Variants in BMP6 observed in about 807,000 individuals in gnomAD.
The protein encoded by BMP6 is bone morphogenetic protein 6, also known as VG-1-R.
Under a neutral mutation model 54.1 loss-of-function variants are expected in BMP6, and 17 were observed. The ratio of observed to expected loss-of-function variants is 0.31; its 90% confidence interval spans 0.22 to 0.47. BMP6 has a LOEUF of 0.47. Ranked by LOEUF, BMP6 falls within the 20% of genes least tolerant of loss-of-function variation. The pLI is 1.00. For missense variants in BMP6, 720 were observed against 690.4 expected, an observed-to-expected ratio of 1.04 and a Z score of -0.48; for synonymous variants, 328 against 291.2, an observed-to-expected ratio of 1.13 and a Z score of -1.28.
At chr6:7,792,900 AAACT>A (rs1308471333) in intron 1 of BMP6, among the ~76,000 whole-genome samples, 2 of 152,262 alleles carry the variant, frequency 1.3e-5, no homozygotes, top group African/African-American at 4.8e-5. Flanking sequence ...CTAGTAACAT[AAACT>A]AACTGTTGTC....
At position 7,863,615 on chromosome 6, in the gene BMP6, G is replaced by A. The variant is rs186664122; in HGVS notation, c.1204+1117G>A. Among the ~76,000 whole-genome samples, 279 of 152,220 alleles carry A rather than the reference G, an allele frequency of 1.8e-3. 2 individuals carry two copies. Among genetic ancestry groups the A allele is most frequent in the African/African-American group, 6.3e-3 (262 of 41,524 alleles). ...CCAGACCTGAACTGTGTGCTCACCC[G>A]GGAGCTAAGGAATAAGGTGAGTCCC... On this transcript the variant is annotated intron_variant, in intron 4 of 6. Transcript: ENST00000283147.
intron 4 of BMP6, among the ~76,000 whole-genome samples, chr6:7,877,554 C>A (rs1156834846): frequency 1.3e-5 from 2 of 151,884 alleles, no homozygotes; most frequent in Non-Finnish European, 2.9e-5. Context: ...ACCCAGGAGG[C>A]AGAGGTTGCA....
intron 1 of BMP6, among the ~76,000 whole-genome samples, chr6:7,781,456 A>G (rs1469908489): frequency 6.6e-6 from 1 of 151,502 alleles, no homozygotes; most frequent in African/African-American, 2.4e-5. Flanking sequence ...AGCACACAGC[A>G]GGCCTGGCTG....
chr6:7,862,346 G>A lies in BMP6; in HGVS notation c.1052G>A (p.Gly351Asp), dbSNP rs573617365. 2 of 1,614,218 alleles carry A rather than the reference G, an allele frequency of 1.2e-6. No homozygotes were observed. Among genetic ancestry groups the A allele is most frequent in the Non-Finnish European group, 1.7e-6 (2 of 1,180,028 alleles). ...GCCGCAGGCCTGGTGGGCAGAGACG[G>A]CCCTTACGACAAGCAGCCCTTCATG... is the stretch of plus-strand genomic sequence containing the variant. The part of the protein sequence containing the change: ...PRAAGLVGRD[G>D]PYDKQPFMVA... Residue 351 changes from glycine to aspartate, a missense_variant, in exon 4 of 7, where the codon GGC becomes GAC. By Grantham distance (94) the Gly-to-Asp change is moderately conservative. Transcript: ENST00000283147.
chr6:7,771,745 C>T (rs1317597315), intron 1 of BMP6, among the ~76,000 whole-genome samples: 1 of 152,158 alleles, frequency 6.6e-6, no homozygotes, highest in Non-Finnish European at 1.5e-5. Context: ...GCGCATCAGC[C>T]ATTCCTTTCC....
At chr6:7,865,340 A>C (rs1759402562) in intron 4 of BMP6, among the ~76,000 whole-genome samples, 1 of 152,126 alleles carries the variant, frequency 6.6e-6, no homozygotes, top group Non-Finnish European at 1.5e-5. Context: ...CAAAGGCAAA[A>C]GGGTTCATAC....
intron 1 of BMP6, among the ~76,000 whole-genome samples, chr6:7,730,331 A>T (rs75903407): frequency 0.12 from 18,622 of 152,138 alleles, 1,190 homozygotes; most frequent in East Asian, 0.16. Flanking sequence ...TCCCCTAAAA[A>T]TTTTTAAGAG....
intron 1 of BMP6, among the ~76,000 whole-genome samples, chr6:7,836,490 A>G (rs1366942208): frequency 6.6e-6 from 1 of 152,206 alleles, no homozygotes; most frequent in Non-Finnish European, 1.5e-5. Flanking sequence ...GTGGTCTAGT[A>G]AATGTATTGA....
chr6:7,730,966 AC>A (rs1411350592), intron 1 of BMP6, among the ~76,000 whole-genome samples: 1 of 152,258 alleles, frequency 6.6e-6, no homozygotes, highest in Non-Finnish European at 1.5e-5. Context: ...CTCATGAAAT[AC>A]ATTTGAAACA....
At chr6:7,750,654 A>T (rs999302948) in intron 1 of BMP6, among the ~76,000 whole-genome samples, 1 of 152,188 alleles carries the variant, frequency 6.6e-6, no homozygotes, top group East Asian at 1.9e-4. Flanking sequence ...GGAACTTGAA[A>T]TTTTTTTTAA....
chr6:7,729,725 A>G (rs1480952546), intron 1 of BMP6, among the ~76,000 whole-genome samples: 1 of 152,212 alleles, frequency 6.6e-6, no homozygotes, highest in Non-Finnish European at 1.5e-5. Context: ...GTAAGAGATG[A>G]AGAGCAAAGC....
At chr6:7,856,055 A>G (rs1186495692) in intron 2 of BMP6, among the ~76,000 whole-genome samples, 1 of 141,682 alleles carries the variant, frequency 7.1e-6, no homozygotes, top group Non-Finnish European at 1.5e-5. Flanking sequence ...GGTGCATTTG[A>G]TATTTGAAAC....
chr6:7,835,202 C>A (rs1473940433), intron 1 of BMP6, among the ~76,000 whole-genome samples: 1 of 152,020 alleles, frequency 6.6e-6, no homozygotes, highest in Non-Finnish European at 1.5e-5. Context: ...GGCTCACTGC[C>A]AGCTCCGCCT....
intron 4 of BMP6, among the ~76,000 whole-genome samples, chr6:7,863,982 T>C (rs1444465145): frequency 2.7e-5 from 4 of 148,956 alleles, no homozygotes; most frequent in Non-Finnish European, 5.9e-5. Context: ...ATTAAGATTA[T>C]GCCTGAGTGA....
chr6:7,870,011 G>A (rs1315438816), intron 4 of BMP6, among the ~76,000 whole-genome samples: 4 of 152,166 alleles, frequency 2.6e-5, no homozygotes, highest in Non-Finnish European at 1.5e-5. Context: ...TCTCAGATGT[G>A]AAAGCTCAGT....
At position 7,727,173 on chromosome 6, in the gene BMP6, C is replaced by T; in HGVS notation, c.218C>T (p.Thr73Met). 1 of 1,597,404 alleles carries T rather than the reference C, an allele frequency of 6.3e-7. No homozygotes were observed. The highest frequency in any genetic ancestry group is 1.1e-5 in the South Asian group (1 of 89,468). Reference sequence around the variant, plus strand: ...GGCTTCCTGTACCGGCGGCTCAAGACGCAGGAGAAGCGGGAGATGCAGAAG... The same window carrying T: ...GGCTTCCTGTACCGGCGGCTCAAGATGCAGGAGAAGCGGGAGATGCAGAAG... ...SSGFLYRRLK[T>M]QEKREMQKEI... Residue 73 changes from threonine to methionine, a missense_variant, in exon 1 of 7, where the codon ACG becomes ATG. By Grantham distance (81) the Thr-to-Met change is moderately conservative (BLOSUM62 -1). Around this residue, in one of 3 missense-constraint regions of BMP6, gnomAD observed 650 missense variants for 556.3 expected, o/e 1.17. Transcript: ENST00000283147.
chr6:7,773,716 C>G (rs918491555), intron 1 of BMP6, among the ~76,000 whole-genome samples: 2 of 152,138 alleles, frequency 1.3e-5, no homozygotes, highest in South Asian at 2.1e-4. Context: ...CTAAGGGAAG[C>G]CTTCTAGCTT....
intron 1 of BMP6, among the ~76,000 whole-genome samples, chr6:7,769,003 A>G (rs1002969939): frequency 1.3e-5 from 2 of 152,228 alleles, no homozygotes; most frequent in African/African-American, 4.8e-5. Context: ...GTCAACTTGC[A>G]TAACAGCTTT....
Position 7,880,621 on chromosome 6 carries a change from C to T in BMP6, c.*278C>T, listed in dbSNP as rs1007116392. ...AAACATAACCGTGAAGCTCTTCCTA[C>T]CCTCCTCCCCCAAAAACCCACCAAA... On this transcript the variant is annotated 3_prime_UTR_variant, in exon 7 of 7. Coordinates refer to ENST00000283147, the MANE Select transcript of BMP6 (RefSeq NM_001718.6). 3 of 453,776 alleles carry T rather than the reference C, an allele frequency of 6.6e-6. No individual in the cohort carries two copies. The highest frequency in any genetic ancestry group is 7.1e-5 in the Admixed American group (2 of 28,158). 28.1% of individuals were successfully genotyped at this position (453,776 alleles called of 1,614,324 possible). A position where few individuals can be genotyped will look rare whatever the true frequency, so the allele number is the denominator to read the frequency against.
Sources: gnomAD v4.1 joint callset for allele counts (sites outside exome capture counted in the v4.1 genomes callset) on GRCh38, gnomAD v4.1.1 for gene constraint, gnomAD v4.1.1 regional missense constraint, MANE v1.5 for transcripts, NCBI Gene and HGNC (gene_info 2026-07-23, HGNC 2026-07-21) for gene names.